Variants in TMEM178A observed in about 807,000 individuals in gnomAD.
TMEM178A encodes transmembrane protein 178.
A neutral mutation model predicts 29.1 loss-of-function variants in TMEM178A; 12 were observed. That is an observed-to-expected ratio of 0.41 (90% confidence interval 0.26 to 0.67). The LOEUF is 0.67. Ranked by LOEUF, TMEM178A falls within the 30% of genes least tolerant of loss-of-function variation. The pLI, the probability that TMEM178A is intolerant of heterozygous loss-of-function variation, is 0.29. For synonymous variants in TMEM178A, 210 were observed against 187.2 expected (o/e 1.12, Z -0.99); for missense variants, 366 against 419.1 (o/e 0.87, Z 1.11).
At chr2:39,666,447 C>G (rs973589814) in intron 1 of TMEM178A, 73 bp downstream of exon 1, 3 of 1,189,614 alleles carry the variant, frequency 2.5e-6, no homozygotes, top group Admixed American at 4.6e-5. Flanking sequence ...CAGGGGCGCG[C>G]CGGTCCCCGC....
chr2:39,727,229 T>C, the TMEM178A span, among the ~76,000 whole-genome samples: 1 of 152,198 alleles, frequency 6.6e-6, no homozygotes, highest in African/African-American at 2.4e-5. Context: ...ACAGCAGCCA[T>C]TCAGGCAGGG....
At chr2:39,729,366 A>G in the TMEM178A span, among the ~76,000 whole-genome samples, 1 of 152,154 alleles carries the variant, frequency 6.6e-6, no homozygotes. Flanking sequence ...TCTGAATCCA[A>G]TTATCATATG....
chr2:39,690,393 T>C (rs1010107092), intron 1 of TMEM178A, among the ~76,000 whole-genome samples: 1 of 152,206 alleles, frequency 6.6e-6, no homozygotes, highest in Non-Finnish European at 1.5e-5. Context: ...AACTCTGGGA[T>C]GCAGAGAAGG....
Position 39,666,128 on chromosome 2 carries a change from C to A in TMEM178A, c.154C>A (p.Pro52Thr), listed in dbSNP as rs1249636171. 2.6e-6 allele frequency: 4 copies of A among 1,544,342 alleles called. No homozygotes were observed. Among genetic ancestry groups the A allele is most frequent in the Non-Finnish European group, 3.5e-6 (4 of 1,151,430 alleles). Reference sequence around the variant, plus strand: ...CGAGCGCAGCCGCGCGGGCGCCGACCCCCCGGACCAGAAGAACCGCCTGAT... The same window carrying A: ...CGAGCGCAGCCGCGCGGGCGCCGACACCCCGGACCAGAAGAACCGCCTGAT... ...SCERSRAGAD[P>T]PDQKNRLMPL... Residue 52 changes from proline to threonine, a missense_variant, in exon 1 of 4, where the codon CCC (proline) becomes ACC (threonine). This residue lies in a region of TMEM178A where 247 missense variants were observed against 246.8 expected (regional missense o/e 1.00). Transcript: ENST00000281961.
At chr2:39,713,076 A>C (rs939062235) in intron 3 of TMEM178A, among the ~76,000 whole-genome samples, 1 of 152,188 alleles carries the variant, frequency 6.6e-6, no homozygotes, top group Non-Finnish European at 1.5e-5. Context: ...ACTTACGGGA[A>C]GTCTAAGAGA....
chr2:39,714,017 C>T (rs1013671174), intron 3 of TMEM178A, among the ~76,000 whole-genome samples: 1 of 152,204 alleles, frequency 6.6e-6, no homozygotes, highest in African/African-American at 2.4e-5. Context: ...TCACACATTC[C>T]TGCCCATCTC....
At chr2:39,698,090 G>C (rs1410457673) in intron 1 of TMEM178A, 1 of 152,182 alleles carries the variant, frequency 6.6e-6, no homozygotes, top group Non-Finnish European at 1.5e-5. Context: ...TTCTAAATTG[G>C]AAAGATTGTT....
At chr2:39,706,743 G>C (rs939133766) in intron 2 of TMEM178A, among the ~76,000 whole-genome samples, 2 of 152,024 alleles carry the variant, frequency 1.3e-5, no homozygotes, top group African/African-American at 4.8e-5. Flanking sequence ...CTCACTCTTT[G>C]TTTAAGTCAT....
At chr2:39,734,878 A>G in the TMEM178A span, among the ~76,000 whole-genome samples, 1 of 152,110 alleles carries the variant, frequency 6.6e-6, no homozygotes, top group Non-Finnish European at 1.5e-5. Flanking sequence ...ACATCAGTAC[A>G]TCCTTCTGGT....
At chr2:39,701,944 A>C (rs562019865) in intron 1 of TMEM178A, among the ~76,000 whole-genome samples, 5 of 152,092 alleles carry the variant, frequency 3.3e-5, no homozygotes, top group Admixed American at 6.6e-5. Context: ...TATCACTCTC[A>C]TCCTTTCCTT....
intron 1 of TMEM178A, among the ~76,000 whole-genome samples, chr2:39,674,752 C>T (rs1222243080): frequency 6.6e-6 from 1 of 152,164 alleles, no homozygotes; most frequent in Non-Finnish European, 1.5e-5. Flanking sequence ...GTTTACTATA[C>T]AGCAGTACAA....
the TMEM178A span, among the ~76,000 whole-genome samples, chr2:39,733,438 T>C: frequency 6.6e-6 from 1 of 152,180 alleles, no homozygotes; most frequent in South Asian, 2.1e-4. Context: ...TAAGGCTCTT[T>C]ATATGACGTC....
In TMEM178A at chr2:39,717,190, A is replaced by C; in HGVS notation, c.833A>C (p.Tyr278Ser). The C allele has an allele frequency of 1.9e-6, 3 of 1,613,228 alleles. No individual in the cohort carries two copies. The highest frequency in any genetic ancestry group is 2.5e-6 in the Non-Finnish European group (3 of 1,179,882). The change falls in exon 4 of 4, where the codon TAT becomes TCT. Residue 278 changes from tyrosine (Y) to serine (S), a missense_variant. This residue lies in a region of TMEM178A where 119 missense variants were observed against 172.2 expected (regional missense o/e 0.69). Coordinates refer to ENST00000281961, the MANE Select transcript of TMEM178A (RefSeq NM_152390.3). ...IVAAGGLCIA[Y>S]PFISRTKIAQ... ...GCAGCTGGAGGTCTCTGCATCGCTT[A>C]TCCGTTTATTAGCCGGACCAAGATT...
At chr2:39,716,275 A>T (rs1328350057) in intron 3 of TMEM178A, among the ~76,000 whole-genome samples, 1 of 152,192 alleles carries the variant, frequency 6.6e-6, no homozygotes, top group Non-Finnish European at 1.5e-5. Context: ...GGGGCTTATG[A>T]AGTATTTTTA....
chr2:39,665,880 G>T, upstream of TMEM178A: 2 of 1,096,276 alleles, frequency 1.8e-6, no homozygotes. Context: ...CAGGTGGGGG[G>T]AAGAGGGAGG....
At chr2:39,716,533 AAAT>A (rs1414920792) in intron 3 of TMEM178A, among the ~76,000 whole-genome samples, 1 of 152,252 alleles carries the variant, frequency 6.6e-6, no homozygotes, top group Non-Finnish European at 1.5e-5. Flanking sequence ...GCAACATGAT[AAAT>A]ATTTATGATA....
intron 3 of TMEM178A, among the ~76,000 whole-genome samples, chr2:39,709,231 C>T (rs1672196703): frequency 6.6e-6 from 1 of 152,218 alleles, no homozygotes; most frequent in Non-Finnish European, 1.5e-5. Flanking sequence ...AAGGAACCCA[C>T]ATCACAGGCA....
At chr2:39,685,739 T>A (rs960731350) in intron 1 of TMEM178A, among the ~76,000 whole-genome samples, 1 of 152,210 alleles carries the variant, frequency 6.6e-6, no homozygotes, top group African/African-American at 2.4e-5. Context: ...ATTTTTCACA[T>A]TAACTAAGAC....
chr2:39,720,027 G>A (rs904940183), downstream of TMEM178A, among the ~76,000 whole-genome samples: 5 of 151,384 alleles, frequency 3.3e-5, no homozygotes, highest in Non-Finnish European at 5.9e-5. Flanking sequence ...TGCAGTGAAG[G>A]ACATAGTGAA....
Sources: allele counts gnomAD v4.1 joint callset (sites outside exome capture counted in the v4.1 genomes callset), GRCh38; gene constraint gnomAD v4.1.1; regional missense constraint gnomAD v4.1.1; transcripts MANE v1.5; gene names NCBI Gene and HGNC (gene_info 2026-07-23, HGNC 2026-07-21).